The following SHANK2 variants were observed in gnomAD, a reference collection of about 807,000 sequenced individuals.
SHANK2 encodes the protein SH3 and multiple ankyrin repeat domains protein 2.
Under a neutral mutation model 133.7 loss-of-function variants are expected in SHANK2, and 43 were observed. That is an observed-to-expected ratio of 0.32 (90% CI 0.25 to 0.41). The LOEUF is 0.41. Among genes scored for constraint, SHANK2 ranks in the 10% least tolerant of loss-of-function variants. SHANK2 has a pLI of 1.00. For synonymous variants in SHANK2, 1,017 were observed against 952.8 expected (o/e 1.07, Z -1.24); for missense variants, 1,994 against 2,235.8 (o/e 0.89, Z 2.18).
At chr11:70,616,550 CGAGGACA>C (rs2060744447) in intron 17 of SHANK2, among the ~76,000 whole-genome samples, 1 of 152,144 alleles carries the variant, frequency 6.6e-6, no homozygotes, top group South Asian at 2.1e-4. Context: ...GGCCAGGCCA[CGAGGACA>C]GAGGAGGCAC....
At position 70,799,164 on chromosome 11, in the gene SHANK2, G is replaced by A. The variant is rs545660053; in HGVS notation, c.1664-608C>T. 1.4e-3 allele frequency among the ~76,000 whole-genome samples: 207 copies of A among 152,124 alleles called. 2 individuals carry two copies. The highest frequency in any genetic ancestry group is 4.4e-3 in the African/African-American group (183 of 41,506). ...TGTAATCCCAGCACTTTGGGGGGCC[G>A]AGGGGAGTGGACCCTCTGAGGTCAG... On this transcript the variant is annotated intron_variant, in intron 13 of 25. Transcript: ENST00000601538.
In SHANK2 at chr11:71,066,097, G is replaced by A. The variant is rs1458758113; in HGVS notation, c.1029+9062C>T. On this transcript the variant is annotated intron_variant, in intron 9 of 25. Transcript: ENST00000601538. The stretch of plus-strand genomic sequence containing the variant: ...AGTGAGTGGGGAAGTTGGTGGGGGG[G>A]GTGTGTGCAGAACTCTCCCAGGGAG... Among the ~76,000 whole-genome samples, 497 of 100,180 alleles carry A rather than the reference G, an allele frequency of 5.0e-3. 2 individuals are homozygous for A. The highest frequency in any genetic ancestry group is 0.023 in the African/African-American group (448 of 19,118). 65.7% of individuals were successfully genotyped at this position (100,180 alleles called of 152,430 possible).
chr11:71,206,987 G>A (rs1014755965), intron 2 of SHANK2, among the ~76,000 whole-genome samples: 3 of 152,168 alleles, frequency 2.0e-5, no homozygotes, highest in African/African-American at 7.2e-5. Context: ...TCAGGAAGGC[G>A]GGGAGTGAGG....
intron 2 of SHANK2, among the ~76,000 whole-genome samples, chr11:71,194,852 C>T (rs1268089518): frequency 6.6e-6 from 1 of 152,164 alleles, no homozygotes; most frequent in Non-Finnish European, 1.5e-5. Flanking sequence ...AGAGCAAGGA[C>T]CATGAGGAAG....
chr11:70,473,525 A>G lies in SHANK2; in HGVS notation c.4980-86T>C. The G allele has an allele frequency of 1.5e-6, 2 of 1,351,542 alleles. No homozygotes were observed. The highest frequency in any genetic ancestry group is 1.2e-5 in the South Asian group (1 of 83,388). 83.7% of individuals were successfully genotyped at this position (1,351,542 alleles called of 1,614,324 possible). On this transcript the variant is annotated intron_variant, in intron 25 of 25. Transcript: ENST00000601538. This position sits in a 1 kb window ranked among gnomAD's most constrained non-coding sequence, Gnocchi z 5.9. ...TGCAGATCACCCAGGAAGGCGAGGG[A>G]GACGCCCAAACCATGCCAGAGTGTC... is the stretch of plus-strand genomic sequence containing the variant.
At chr11:70,817,663 T>A (rs545932217) in intron 12 of SHANK2, among the ~76,000 whole-genome samples, 1 of 152,312 alleles carries the variant, frequency 6.6e-6, no homozygotes, top group East Asian at 1.9e-4. Flanking sequence ...GCGCACTGGC[T>A]GGACAAGGTG....
chr11:70,536,968 C>T (rs2059551722), intron 17 of SHANK2, among the ~76,000 whole-genome samples: 2 of 152,198 alleles, frequency 1.3e-5, no homozygotes, highest in Admixed American at 1.3e-4. Context: ...AGGAAATAAA[C>T]AGCATTTTCT....
chr11:70,733,103 C>T lies in SHANK2; in HGVS notation c.1778-34340G>A, dbSNP rs145787286. ...CATCTCAACTGAGTGGGATCGTCCG[C>T]GACAGAAAGACGTGTCACATGCTAC... On this transcript the variant is annotated intron_variant, in intron 14 of 25. Transcript: ENST00000601538. 1.1e-3 allele frequency among the ~76,000 whole-genome samples: 169 copies of T among 152,190 alleles called. 2 individuals carry two copies. Among genetic ancestry groups the T allele is most frequent in the Non-Finnish European group, 2.8e-4 (19 of 68,002 alleles).
At chr11:70,498,053 C>T (rs1171068954) in intron 21 of SHANK2, among the ~76,000 whole-genome samples, 1 of 152,226 alleles carries the variant, frequency 6.6e-6, no homozygotes, top group Non-Finnish European at 1.5e-5. Context: ...GGGGCTGCTC[C>T]ACCTCTTCAG....
chr11:70,519,959 G>A lies in SHANK2; in HGVS notation c.2062-17028C>T, dbSNP rs868952874. 3.3e-4 allele frequency among the ~76,000 whole-genome samples: 49 copies of A among 149,916 alleles called. 1 individual carries two copies. Among genetic ancestry groups the A allele is most frequent in the African/African-American group, 1.2e-3 (48 of 40,640 alleles). ...GGCAAGGTCTCACCATGTTGCCCAGGCTGGTCTCAAACTCCTGGGCTCAAG... is the reference window on the plus strand; with the variant it reads ...GGCAAGGTCTCACCATGTTGCCCAGACTGGTCTCAAACTCCTGGGCTCAAG... On this transcript the variant is annotated intron_variant, in intron 17 of 25. Coordinates refer to ENST00000601538, the MANE Select transcript of SHANK2 (RefSeq NM_012309.5).
chr11:71,222,463 G>A lies in SHANK2; in HGVS notation c.-13+2234C>T, dbSNP rs567303971. On this transcript the variant is annotated intron_variant, in intron 2 of 25. Transcript: ENST00000601538. ...AACAGCCTGAGTGTTCCTTTCTTAC[G>A]AAGCTCCCAGAGGAGCTAAGAAGGG... 1.6e-4 allele frequency among the ~76,000 whole-genome samples: 24 copies of A among 152,250 alleles called. No individual in the cohort carries two copies. In the South Asian group the frequency reaches 2.3e-3, roughly 15 times the overall value.
chr11:71,069,909 C>T (rs1280111387), intron 9 of SHANK2, among the ~76,000 whole-genome samples: 1 of 152,146 alleles, frequency 6.6e-6, no homozygotes, highest in Admixed American at 6.5e-5. Context: ...TGTATGGCAC[C>T]CTTTCTGCTT....
At chr11:71,061,605 A>G (rs1198780811) in intron 9 of SHANK2, among the ~76,000 whole-genome samples, 1 of 152,140 alleles carries the variant, frequency 6.6e-6, no homozygotes, top group Non-Finnish European at 1.5e-5. Context: ...TTCCACCCCC[A>G]GCAATGCCCT....
intron 17 of SHANK2, among the ~76,000 whole-genome samples, chr11:70,590,760 C>A (rs1249167714): frequency 2.7e-5 from 4 of 150,942 alleles, no homozygotes; most frequent in East Asian, 3.9e-4. Context: ...TTTCTATGCA[C>A]TGGGAAACCA....
At chr11:71,216,100 G>C (rs184361816) in intron 2 of SHANK2, among the ~76,000 whole-genome samples, 1 of 152,086 alleles carries the variant, frequency 6.6e-6, no homozygotes, top group African/African-American at 2.4e-5. Flanking sequence ...GACTCCACAC[G>C]GCCCAGCAGC....
chr11:70,686,988 C>A (rs1011549506), intron 15 of SHANK2, among the ~76,000 whole-genome samples: 3 of 152,232 alleles, frequency 2.0e-5, no homozygotes, highest in African/African-American at 7.2e-5. Context: ...TTGGGCTGCC[C>A]TCTGGATACC....
At chr11:70,854,863 T>TA (rs1321285920) in intron 11 of SHANK2, among the ~76,000 whole-genome samples, 2 of 152,220 alleles carry the variant, frequency 1.3e-5, no homozygotes, top group African/African-American at 4.8e-5. Context: ...GAGCAGGGAC[T>TA]AGGCACTGGT....
chr11:70,798,355 G>A (rs1284618116), intron 14 of SHANK2, 88 bp downstream of exon 14: 5 of 700,018 alleles, frequency 7.1e-6, no homozygotes, highest in East Asian at 5.4e-5. Flanking sequence ...ACGACGCAAC[G>A]GCCGAATCTT....
chr11:70,624,281 C>T (rs2060873681), intron 17 of SHANK2, among the ~76,000 whole-genome samples: 1 of 152,064 alleles, frequency 6.6e-6, no homozygotes, highest in Non-Finnish European at 1.5e-5. Flanking sequence ...CATCCTACCC[C>T]TCTCCCCCAT....
Sources: allele counts gnomAD v4.1 joint callset (sites outside exome capture counted in the v4.1 genomes callset), GRCh38; gene constraint gnomAD v4.1.1; non-coding constraint Gnocchi (gnomAD v3.1); transcripts MANE v1.5; gene names NCBI Gene and HGNC (gene_info 2026-07-23, HGNC 2026-07-21).